Variants in WNK3 observed in about 807,000 individuals in gnomAD.
WNK3 encodes serine/threonine-protein kinase WNK3.
A neutral mutation model predicts 116.7 loss-of-function variants in WNK3; 18 were observed. The ratio of observed to expected loss-of-function variants is 0.15; its 90% CI spans 0.11 to 0.23. The LOEUF (loss-of-function observed/expected upper bound fraction) is 0.23. WNK3 is among the 10% of genes least tolerant of loss of function. The pLI is 1.00. For synonymous variants in WNK3, 404 were observed against 469.4 expected (o/e 0.86, Z 1.80); for missense variants, 993 against 1,323.8 (o/e 0.75, Z 3.88).
chrX:54,260,356 T>C (rs1166746896), intron 10 of WNK3, among the ~76,000 whole-genome samples: 1 of 112,089 alleles, frequency 8.9e-6, no homozygotes, highest in East Asian at 2.8e-4. Flanking sequence ...TTCAACAAAA[T>C]GTATCTAATT....
chrX:54,215,644 C>A (rs1177785078), intron 22 of WNK3, among the ~76,000 whole-genome samples: 4 of 111,278 alleles, frequency 3.6e-5, no homozygotes, highest in Non-Finnish European at 7.5e-5. Context: ...CTCTTCCCGG[C>A]CGTCATCCCG....
At chrX:54,215,294 G>C (rs1391904181) in intron 22 of WNK3, among the ~76,000 whole-genome samples, 2 of 110,832 alleles carry the variant, frequency 1.8e-5, no homozygotes, top group African/African-American at 6.5e-5. Context: ...CTCCCTGCCT[G>C]ATTCTCCTGC....
rs782365046 is a variant in WNK3, at chrX:54,215,400, G to A, written c.4871-13207C>T. The stretch of plus-strand genomic sequence containing the variant: ...GGAGACGGGTTTCCCCGCGTTGGCC[G>A]GGCTGGTCTCCAGCTCCCGACCGCG... On this transcript the variant is annotated intron_variant, in intron 22 of 23. Coordinates refer to ENST00000354646, the Ensembl canonical transcript of WNK3. Among the ~76,000 whole-genome samples the A allele has an allele frequency of 5.9e-4, 66 of 112,509 alleles. 1 individual carries two copies. In the South Asian group the frequency reaches 0.022, roughly 38 times the overall value.
chrX:54,257,886 T>C (rs2068212164), intron 11 of WNK3, among the ~76,000 whole-genome samples: 1 of 109,378 alleles, frequency 9.1e-6, no homozygotes, highest in East Asian at 2.9e-4. Context: ...ATAAACTCCT[T>C]TGTCATACCA....
At chrX:54,287,686 G>T (rs933536939) in intron 10 of WNK3, among the ~76,000 whole-genome samples, 2 of 111,072 alleles carry the variant, frequency 1.8e-5, no homozygotes, top group African/African-American at 6.5e-5. Flanking sequence ...TAGTCATCTG[G>T]TCTGATCCCT....
chrX:54,245,797 A>C (rs191291368), intron 17 of WNK3, among the ~76,000 whole-genome samples: 1 of 111,690 alleles, frequency 9.0e-6, no homozygotes, highest in Admixed American at 9.5e-5. Flanking sequence ...TCCTTTGTTC[A>C]TATGTGCAAA....
chrX:54,198,210 TA>T, exon 24 of WNK3: 1 of 681,071 alleles, frequency 1.5e-6, no homozygotes, highest in Non-Finnish European at 2.1e-6. Flanking sequence ...TAGTCTAAAG[TA>T]AACTCAAATG....
At chrX:54,298,538 C>A in intron 6 of WNK3, 144 bp from the exon 7 acceptor site, 2 of 456,403 alleles carry the variant, frequency 4.4e-6, no homozygotes, top group Non-Finnish European at 7.2e-6. Flanking sequence ...GTTATAAAAA[C>A]CAAATCTCTT....
intron 2 of WNK3, among the ~76,000 whole-genome samples, chrX:54,317,939 G>A (rs939180824): frequency 1.8e-5 from 2 of 110,668 alleles, no homozygotes; most frequent in African/African-American, 3.3e-5. Context: ...GCCAGGGGAA[G>A]TTAAATTGTT....
chrX:54,308,601 T>A (rs1351605131), intron 4 of WNK3, among the ~76,000 whole-genome samples: 3 of 112,323 alleles, frequency 2.7e-5, no homozygotes, highest in Non-Finnish European at 5.6e-5. Flanking sequence ...TGCTCAAGAT[T>A]AGGTAACGAT....
At position 54,220,050 on chromosome X, in the gene WNK3, A is replaced by G. The variant is rs376637168; in HGVS notation, c.4870+8664T>C. On this transcript the variant is annotated intron_variant, in intron 22 of 23. Coordinates refer to ENST00000354646, the Ensembl canonical transcript of WNK3. ...AACAGTAAAGTAGCCATGCCTCTAGATTTACTCTTTTGTTTACCTATTCTT... is the reference window on the plus strand; with the variant it reads ...AACAGTAAAGTAGCCATGCCTCTAGGTTTACTCTTTTGTTTACCTATTCTT... 2.7e-5 allele frequency among the ~76,000 whole-genome samples: 3 copies of G among 111,916 alleles called. No individual in the cohort carries two copies. In the East Asian group the frequency reaches 8.4e-4, roughly 31 times the overall value.
intron 2 of WNK3, among the ~76,000 whole-genome samples, chrX:54,328,673 A>G (rs1557173817): frequency 8.9e-6 from 1 of 112,315 alleles, no homozygotes; most frequent in Non-Finnish European, 1.9e-5. Flanking sequence ...TAATTCTGAC[A>G]TTCCTTTTAG....
At chrX:54,270,030 G>A (rs2068361699) in intron 10 of WNK3, among the ~76,000 whole-genome samples, 2 of 111,619 alleles carry the variant, frequency 1.8e-5, no homozygotes, top group South Asian at 7.5e-4. Flanking sequence ...AGGATCATAG[G>A]TAACTTTAAC....
chrX:54,294,762 C>T (rs781954947), exon 8 of WNK3: 9 of 1,211,252 alleles, frequency 7.4e-6, no homozygotes, highest in Non-Finnish European at 3.4e-6. Flanking sequence ...CTTCTTCTCT[C>T]TTGTCTTCTT....
In WNK3 at chrX:54,312,702, A is replaced by G. The variant is rs186453479; in HGVS notation, c.538-1411T>C. 2.7e-5 allele frequency among the ~76,000 whole-genome samples: 3 copies of G among 110,711 alleles called. No individual in the cohort carries two copies. The East Asian group carries it at 8.5e-4, about 31-fold the overall frequency. On this transcript the variant is annotated intron_variant, in intron 2 of 23. Transcript: ENST00000354646. ...ATCCACTTGCCTCGGCCTCCTCCCA[A>G]AGTGCTGGGACTACAGGAGTGAGCT...
intron 1 of WNK3, among the ~76,000 whole-genome samples, chrX:54,336,361 AG>A (rs1323934280): frequency 9.4e-6 from 1 of 106,776 alleles, no homozygotes; most frequent in Non-Finnish European, 1.9e-5. Flanking sequence ...AAAACCCACA[AG>A]GTTGCCAAGA....
At chrX:54,215,233 G>C (rs1369394583) in intron 22 of WNK3, among the ~76,000 whole-genome samples, 2 of 110,006 alleles carry the variant, frequency 1.8e-5, no homozygotes, top group African/African-American at 6.6e-5. Flanking sequence ...GTCTCCCTCT[G>C]ATGCCCAGCC....
At chrX:54,198,488 C>G in exon 24 of WNK3, 2 of 1,210,251 alleles carry the variant, frequency 1.7e-6, no homozygotes, top group Non-Finnish European at 2.2e-6. Flanking sequence ...TACCCCGCCC[C>G]CGCCACAGCA....
exon 10 of WNK3, chrX:54,292,922 G>A: frequency 8.3e-7 from 1 of 1,210,802 alleles, no homozygotes; most frequent in Non-Finnish European, 1.1e-6. Context: ...AGTTAATGGG[G>A]AAACCTGGGG....
Sources: gnomAD v4.1 joint callset for allele counts (sites outside exome capture counted in the v4.1 genomes callset) on GRCh38, gnomAD v4.1.1 for gene constraint, MANE v1.5 for transcripts, NCBI Gene and HGNC (gene_info 2026-07-23, HGNC 2026-07-21) for gene names.